CNTNAP2: variants seen among roughly 807,000 people sequenced by gnomAD.
CNTNAP2 encodes contactin associated protein 2, also known as contactin-associated protein-like 2.
CNTNAP2 carries 98 observed loss-of-function variants against 155.2 expected under a neutral mutation model. The ratio of observed to expected loss-of-function variants is 0.63; its 90% CI spans 0.54 to 0.75. The LOEUF is 0.75. Ranked by LOEUF, CNTNAP2 falls within the 30% of genes least tolerant of loss-of-function variation. The probability of loss-of-function intolerance (pLI) is 0.00; values close to 1 mark genes in which losing one functional copy is unlikely to be tolerated. For synonymous variants in CNTNAP2, 651 were observed against 631.2 expected (o/e 1.03, Z -0.47); for missense variants, 1,727 against 1,688.1 (o/e 1.02, Z -0.40).
At chr7:146,352,545 A>G (rs1236824122) in intron 1 of CNTNAP2, among the ~76,000 whole-genome samples, 4 of 152,020 alleles carry the variant, frequency 2.6e-5, no homozygotes, top group African/African-American at 9.7e-5. Flanking sequence ...CCTGAATAAT[A>G]CATTTCTTTG....
At chr7:147,368,259 G>T in intron 9 of CNTNAP2, among the ~76,000 whole-genome samples, 1 of 151,790 alleles carries the variant, frequency 6.6e-6, no homozygotes, top group Non-Finnish European at 1.5e-5. Flanking sequence ...TCTGTGACAG[G>T]TTCAGGGTCA....
chr7:147,721,501 T>A (rs1353044790), intron 13 of CNTNAP2, among the ~76,000 whole-genome samples: 1 of 152,054 alleles, frequency 6.6e-6, no homozygotes, highest in Non-Finnish European at 1.5e-5. Flanking sequence ...TGCTCTAGTA[T>A]CTCAGGCTTT....
At chr7:146,485,853 TTAAAA>T (rs1323921280) in intron 1 of CNTNAP2, among the ~76,000 whole-genome samples, 3 of 151,992 alleles carry the variant, frequency 2.0e-5, no homozygotes, top group Non-Finnish European at 2.9e-5. Context: ...TACCCCAAAC[TTAAAA>T]TAAAAGTTAA....
rs139609186 is a variant in CNTNAP2 at position 147,400,223 on chromosome 7, T to C, written c.1670+4443T>C. ...CAAGAGAGAATCACAAGGAGAACCA[T>C]AGGGCATCTCAAAGTTGGGGAGAGG... On this transcript the variant is annotated intron_variant, in intron 10 of 23. Transcript: ENST00000361727. 3.0e-4 allele frequency among the ~76,000 whole-genome samples: 45 copies of C among 152,092 alleles called. No individual in the cohort carries two copies. In the East Asian group the frequency reaches 8.0e-3, roughly 27 times the overall value.
intron 10 of CNTNAP2, among the ~76,000 whole-genome samples, chr7:147,419,932 G>C (rs375322238): frequency 6.6e-6 from 1 of 152,056 alleles, no homozygotes; most frequent in African/African-American, 2.4e-5. Context: ...TGCTGTGCTG[G>C]GTGGATCACT....
intron 13 of CNTNAP2, among the ~76,000 whole-genome samples, chr7:147,652,394 T>C (rs1795462460): frequency 6.6e-6 from 1 of 152,186 alleles, no homozygotes; most frequent in Non-Finnish European, 1.5e-5. Context: ...AAATATATTG[T>C]CATCTATATA....
rs1585058061 is a variant in CNTNAP2 at position 147,977,751 on chromosome 7, C to A, written c.2256-111C>A. The A allele has an allele frequency of 2.7e-6, 4 of 1,473,148 alleles. No homozygotes were observed. In the South Asian group the frequency reaches 4.6e-5, roughly 17 times the overall value. 91.3% of individuals were successfully genotyped at this position (1,473,148 alleles called of 1,614,324 possible). A position where few individuals can be genotyped will look rare whatever the true frequency, so the allele number is the denominator to read the frequency against. On this transcript the variant is annotated intron_variant, in intron 14 of 23. Transcript: ENST00000361727. ...TTTAACTGTGGCTTTACTTAGTAAA[C>A]TTCCAAACGATTACTGAAATGTCAT... is the stretch of plus-strand genomic sequence containing the variant.
intron 15 of CNTNAP2, among the ~76,000 whole-genome samples, chr7:148,050,024 A>C (rs1358467387): frequency 6.6e-6 from 1 of 152,150 alleles, no homozygotes; most frequent in Admixed American, 6.5e-5. Context: ...TTAGCCAGGC[A>C]TAGTGGTTCA....
At chr7:147,400,266 C>T (rs1528514) in intron 10 of CNTNAP2, among the ~76,000 whole-genome samples, 72,655 of 151,798 alleles carry the variant, frequency 0.48, 20,558 homozygotes, top group African/African-American at 0.8. Context: ...TGGGGAGGGA[C>T]GGACATTGAG....
At chr7:146,671,818 T>C (rs531806378) in intron 1 of CNTNAP2, among the ~76,000 whole-genome samples, 106 of 151,960 alleles carry the variant, frequency 7.0e-4, no homozygotes, top group African/African-American at 2.5e-3. Flanking sequence ...TATTTTGTTT[T>C]TATTTTTATT....
intron 14 of CNTNAP2, among the ~76,000 whole-genome samples, chr7:147,909,133 T>C (rs1800017879): frequency 6.6e-6 from 1 of 152,122 alleles, no homozygotes; most frequent in East Asian, 1.9e-4. Flanking sequence ...AAAATGTAAA[T>C]TACTTTCAAA....
chr7:147,225,667 A>C (rs1803504357), intron 8 of CNTNAP2, among the ~76,000 whole-genome samples: 1 of 151,840 alleles, frequency 6.6e-6, no homozygotes, highest in African/African-American at 2.4e-5. Context: ...TTTGTTTTAC[A>C]CCTGCATACT....
chr7:147,063,726 A>G (rs530642224), intron 4 of CNTNAP2, among the ~76,000 whole-genome samples: 1 of 152,290 alleles, frequency 6.6e-6, no homozygotes, highest in South Asian at 2.1e-4. Flanking sequence ...GACTCAGCAC[A>G]CTTATGTCAT....
intron 9 of CNTNAP2, among the ~76,000 whole-genome samples, chr7:147,316,067 A>C (rs770506925): frequency 2.0e-5 from 3 of 152,166 alleles, no homozygotes; most frequent in Middle Eastern, 3.4e-3. Context: ...TATGAACATT[A>C]ATTTACCTAT....
In CNTNAP2 at chr7:147,529,540, G is replaced by GT. The variant is rs72421450; in HGVS notation, c.1778-32588dup. Among the ~76,000 whole-genome samples the GT allele has an allele frequency of 5.4e-3, 803 of 147,428 alleles. 4 individuals are homozygous for GT. Among genetic ancestry groups the GT allele is most frequent in the African/African-American group, 0.012 (483 of 40,312 alleles). ...ATTTCCAGAGCAAAGTAACAATGCT[G>GT]TTTTTTTTTTGGTTTCTATTTTCTT... On this transcript the variant is annotated intron_variant, in intron 11 of 23. Transcript: ENST00000361727.
intron 1 of CNTNAP2, among the ~76,000 whole-genome samples, chr7:146,536,596 C>CA (rs1032273572): frequency 1.3e-5 from 2 of 149,798 alleles, no homozygotes; most frequent in African/African-American, 2.5e-5. Flanking sequence ...ATGTTCCCCC[C>CA]CCACCACCAT....
At chr7:148,375,346 A>G (rs1161575638) in intron 21 of CNTNAP2, among the ~76,000 whole-genome samples, 1 of 147,896 alleles carries the variant, frequency 6.8e-6, no homozygotes, top group Non-Finnish European at 1.5e-5. Flanking sequence ...TTTTATATAT[A>G]TATAGTATAT....
intron 1 of CNTNAP2, among the ~76,000 whole-genome samples, chr7:146,506,527 C>T (rs1428626202): frequency 6.6e-6 from 1 of 152,218 alleles, no homozygotes; most frequent in African/African-American, 2.4e-5. Context: ...GCATTTGCCT[C>T]ATCATTGCCC....
chr7:146,709,149 T>C (rs940015283), intron 1 of CNTNAP2, among the ~76,000 whole-genome samples: 4 of 152,164 alleles, frequency 2.6e-5, no homozygotes, highest in Non-Finnish European at 5.9e-5. Context: ...AACATTTTTT[T>C]CCATATTATA....
Sources: allele counts gnomAD v4.1 joint callset (sites outside exome capture counted in the v4.1 genomes callset), GRCh38; gene constraint gnomAD v4.1.1; transcripts MANE v1.5; gene names NCBI Gene and HGNC (gene_info 2026-07-23, HGNC 2026-07-21).